Variants in ARMC2 observed in about 807,000 individuals in gnomAD.
ARMC2 encodes armadillo repeat containing 2.
In ARMC2, 67 loss-of-function variants were observed where a neutral mutation model predicts 90.3. The observed-to-expected ratio is 0.74, with a 90% confidence interval of 0.61 to 0.91. The LOEUF (loss-of-function observed/expected upper bound fraction) is 0.91. ARMC2 is among the 40% of genes least tolerant of loss of function. The probability of loss-of-function intolerance (pLI) is 0.00; values close to 1 mark genes in which losing one functional copy is unlikely to be tolerated. For synonymous variants in ARMC2, 393 were observed against 393.0 expected (o/e 1.00, Z 0.00); for missense variants, 920 against 1,030.9 (o/e 0.89, Z 1.47).
the ARMC2 span, among the ~76,000 whole-genome samples, chr6:108,989,572 GATATCTATAT>G: frequency 4.7e-5 from 6 of 127,616 alleles, no homozygotes; most frequent in Non-Finnish European, 1.0e-4. Flanking sequence ...TAGATCTAGA[GATATCTATAT>G]ATAGAGAGAG....
intron 3 of ARMC2, among the ~76,000 whole-genome samples, chr6:108,863,324 C>T (rs529960244): frequency 6.6e-6 from 1 of 152,106 alleles, no homozygotes; most frequent in Non-Finnish European, 1.5e-5. Context: ...CTCAAGTGAT[C>T]CCCCCACCTT....
chr6:108,884,930 T>G (rs962893462), intron 5 of ARMC2, among the ~76,000 whole-genome samples: 1 of 152,102 alleles, frequency 6.6e-6, no homozygotes, highest in African/African-American at 2.4e-5. Flanking sequence ...ATGGCACTGG[T>G]TAACACAGTA....
At chr6:109,002,227 G>C in the ARMC2 span, 22 of 1,510,242 alleles carry the variant, frequency 1.5e-5, no homozygotes, top group Non-Finnish European at 1.9e-5. Context: ...GGTCATGAAA[G>C]CTCTTCCTTA....
chr6:108,867,784 A>AT (rs1449535273), intron 3 of ARMC2, among the ~76,000 whole-genome samples: 1 of 150,398 alleles, frequency 6.6e-6, no homozygotes, highest in Non-Finnish European at 1.5e-5. Flanking sequence ...AAAAAAAAAA[A>AT]GTTAGCTGGG....
chr6:108,937,553 T>G (rs1776053222), intron 12 of ARMC2, among the ~76,000 whole-genome samples: 1 of 152,176 alleles, frequency 6.6e-6, no homozygotes, highest in Non-Finnish European at 1.5e-5. Flanking sequence ...AAAGGTAACA[T>G]TTCCAGGTAA....
At chr6:109,000,780 C>A in the ARMC2 span, 1 of 959,836 alleles carries the variant, frequency 1.0e-6, no homozygotes. Context: ...AGTATGTTTT[C>A]AAATTTTCCG....
At chr6:108,929,474 T>G (rs1011616606) in intron 11 of ARMC2, among the ~76,000 whole-genome samples, 3 of 152,114 alleles carry the variant, frequency 2.0e-5, no homozygotes, top group Non-Finnish European at 4.4e-5. Flanking sequence ...ATAAGATGAA[T>G]CCTTCACTTT....
intron 4 of ARMC2, 148 bp from the exon 5 acceptor site, chr6:108,875,995 A>T (rs1420788828): frequency 2.8e-6 from 2 of 704,334 alleles, no homozygotes; most frequent in African/African-American, 3.7e-5. Context: ...ATGCTCAGAA[A>T]GGCTTTGGCC....
chr6:108,899,723 G>C lies in ARMC2; in HGVS notation c.778G>C (p.Ala260Pro), dbSNP rs367783758. 6 of 1,613,588 alleles carry C rather than the reference G, an allele frequency of 3.7e-6. No individual in the cohort carries two copies. Among genetic ancestry groups the C allele is most frequent in the Non-Finnish European group, 5.1e-6 (6 of 1,179,748 alleles). ...VPKADLQEED[A>P]EIEVDEVFWN... ...AAAAGCTGACCTGCAAGAAGAGGAC[G>C]CAGAAATAGAAGTAGACGAAGTCTT... Residue 260 changes from alanine (A) to proline (P), a missense_variant, in exon 7 of 18, where the codon GCA becomes CCA. Transcript: ENST00000392644.
At chr6:108,877,803 T>A (rs1777081945) in intron 5 of ARMC2, among the ~76,000 whole-genome samples, 1 of 152,264 alleles carries the variant, frequency 6.6e-6, no homozygotes, top group Non-Finnish European at 1.5e-5. Context: ...TTCCTCATTC[T>A]GGGACAGCAG....
chr6:109,033,596 T>C, the ARMC2 span, among the ~76,000 whole-genome samples: 1 of 152,136 alleles, frequency 6.6e-6, no homozygotes, highest in Non-Finnish European at 1.5e-5. Flanking sequence ...TTTGTAAAAA[T>C]GAGATCTAGA....
the ARMC2 span, among the ~76,000 whole-genome samples, chr6:109,023,047 C>T: frequency 2.0e-5 from 3 of 152,202 alleles, no homozygotes; most frequent in Admixed American, 6.5e-5. Flanking sequence ...TCACTCCACC[C>T]TCTGTGACCA....
At chr6:108,875,595 T>C (rs1021015447) in intron 4 of ARMC2, among the ~76,000 whole-genome samples, 1 of 152,208 alleles carries the variant, frequency 6.6e-6, no homozygotes, top group Admixed American at 6.5e-5. Flanking sequence ...GAGCCTTCCC[T>C]ACTTTTATAC....
chr6:108,885,950 C>T (rs919625470), intron 5 of ARMC2, among the ~76,000 whole-genome samples: 4 of 152,224 alleles, frequency 2.6e-5, no homozygotes, highest in African/African-American at 9.7e-5. Context: ...CCATGGCCAT[C>T]TTCACACTGC....
chr6:108,885,227 GGTGTGT>G lies in ARMC2; in HGVS notation c.671+8896_671+8901del, dbSNP rs61665393. Among the ~76,000 whole-genome samples the G allele has an allele frequency of 4.3e-3, 637 of 149,816 alleles. 4 individuals carry two copies. Among genetic ancestry groups the G allele is most frequent in the African/African-American group, 0.015 (599 of 40,794 alleles). On this transcript the variant is annotated intron_variant, in intron 5 of 17. Transcript: ENST00000392644. ...GTGATTATTAAAAAAGGTGCCAAGG[GGTGTGT>G]GTGTGTGTGTGTGTGTGTATGTATT...
chr6:108,972,915 A>G lies in ARMC2; in HGVS notation c.2447-442A>G, dbSNP rs1583244727. Reference sequence around the variant, plus strand: ...ACTCTGGGGCTCAAGCAATTCTCCTACCTCAGGCTCCCAATGTGTTGGCAT... The same window carrying G: ...ACTCTGGGGCTCAAGCAATTCTCCTGCCTCAGGCTCCCAATGTGTTGGCAT... On this transcript the variant is annotated intron_variant, in intron 17 of 17. Coordinates refer to ENST00000392644, the MANE Select transcript of ARMC2 (RefSeq NM_032131.6). Among the ~76,000 whole-genome samples the G allele has an allele frequency of 7.3e-5, 11 of 150,016 alleles. No homozygotes were observed. In the South Asian group the frequency reaches 2.1e-3, roughly 29 times the overall value.
intron 10 of ARMC2, among the ~76,000 whole-genome samples, chr6:108,923,469 G>T (rs1465175054): frequency 3.3e-5 from 5 of 151,404 alleles, no homozygotes; most frequent in African/African-American, 1.2e-4. Flanking sequence ...ATTTATCTCT[G>T]TTCAACTGAG....
Position 108,956,581 on chromosome 6 carries a change from A to G in ARMC2, c.1915+3230A>G, listed in dbSNP as rs912640289. Among the ~76,000 whole-genome samples the G allele has an allele frequency of 7.9e-5, 12 of 151,276 alleles. No homozygotes were observed. The South Asian group carries it at 2.5e-3, about 32-fold the overall frequency. ...CTGAGTGTGGTGGGACACGCCTGTGATCTCAGCTACTCAGGAGGCTGAGGT... is the reference window on the plus strand; with the variant it reads ...CTGAGTGTGGTGGGACACGCCTGTGGTCTCAGCTACTCAGGAGGCTGAGGT... On this transcript the variant is annotated intron_variant, in intron 13 of 17. Coordinates refer to ENST00000392644, the MANE Select transcript of ARMC2 (RefSeq NM_032131.6).
chr6:109,009,569 G>GGCGCC, the ARMC2 span: 1 of 1,105,776 alleles, frequency 9.0e-7, no homozygotes, highest in Non-Finnish European at 1.1e-6. Context: ...GGGGCGGGGC[G>GGCGCC]GCGCCGACAA....
Sources: gnomAD v4.1 joint callset for allele counts (sites outside exome capture counted in the v4.1 genomes callset) on GRCh38, gnomAD v4.1.1 for gene constraint, MANE v1.5 for transcripts, NCBI Gene and HGNC (gene_info 2026-07-23, HGNC 2026-07-21) for gene names.